DDHD2: variants seen among roughly 807,000 people sequenced by gnomAD.
The protein encoded by DDHD2 is DDHD domain containing 2, also known as triacylglycerol hydrolase DDHD2.
Under a neutral mutation model 91.2 loss-of-function variants are expected in DDHD2, and 62 were observed. The observed-to-expected ratio is 0.68, with a 90% CI of 0.55 to 0.84. DDHD2 has a LOEUF of 0.84. Among genes scored for constraint, DDHD2 ranks in the 40% least tolerant of loss-of-function variants. DDHD2 has a pLI of 0.00. For missense variants in DDHD2, 740 were observed against 846.9 expected, an observed-to-expected ratio of 0.87 and a Z score of 1.57; for synonymous variants, 271 against 293.9, an observed-to-expected ratio of 0.92 and a Z score of 0.80.
Position 38,245,042 on chromosome 8 carries a change from A to G in DDHD2, c.849-700A>G, listed in dbSNP as rs192229949. Among the ~76,000 whole-genome samples the G allele has an allele frequency of 1.3e-3, 189 of 151,180 alleles. 1 individual carries two copies. The highest frequency in any genetic ancestry group is 4.2e-3 in the African/African-American group (174 of 41,398). On this transcript the variant is annotated intron_variant, in intron 7 of 17. Coordinates refer to ENST00000397166, the MANE Select transcript of DDHD2 (RefSeq NM_015214.3). ...ATTAATTATATAATTATATACATTA[A>G]TTTTTGTATACATATTTATATAATT...
At chr8:38,264,888 A>T (rs773753998), downstream of DDHD2, 1 of 1,612,764 alleles carries the variant, frequency 6.2e-7, no homozygotes, top group Non-Finnish European at 8.5e-7. Flanking sequence ...TTTCTAACTC[A>T]GAAGAGTAAC....
At chr8:38,251,802 G>C (rs1193391926) in intron 11 of DDHD2, 110 bp from the exon 12 acceptor site, 1 of 693,980 alleles carries the variant, frequency 1.4e-6, no homozygotes, top group Admixed American at 2.7e-5. Flanking sequence ...TTGAACTCTT[G>C]GGCTTAAACA....
At position 38,268,494 on chromosome 8, in the gene DDHD2, C is replaced by A. The variant is rs1050935333; in HGVS notation, n.88-2628C>A. The A allele has an allele frequency of 7.1e-6, 11 of 1,545,032 alleles. No homozygotes were observed. The Admixed American group carries it at 1.0e-4, about 14-fold the overall frequency. On this transcript the variant is annotated intron_variant and non_coding_transcript_variant, in intron 1 of 1. Transcript: ENST00000526071. ...AGAATGTCAGAGGTTAAAAACAATC[C>A]AAAAAAAAGCCACACTCGTGCTCCT...
At chr8:38,266,056 T>C, downstream of DDHD2, 2 of 1,261,916 alleles carry the variant, frequency 1.6e-6, no homozygotes, top group East Asian at 4.8e-5. Flanking sequence ...TCAGCAGATA[T>C]TTAGTAAGCA....
At chr8:38,271,024 A>G (rs1437558398) in intron 1 of DDHD2, 1 of 152,228 alleles carries the variant, frequency 6.6e-6, no homozygotes, top group African/African-American at 2.4e-5. Flanking sequence ...TAGACATAGT[A>G]AAAGGAAAGA....
chr8:38,235,731 A>AT (rs1438467004), intron 3 of DDHD2, among the ~76,000 whole-genome samples: 1 of 151,564 alleles, frequency 6.6e-6, no homozygotes, highest in Non-Finnish European at 1.5e-5. Context: ...AAAAAAAAAA[A>AT]AAAAACTGGT....
intron 16 of DDHD2, among the ~76,000 whole-genome samples, chr8:38,256,698 G>A (rs1485805731): frequency 1.3e-5 from 2 of 152,072 alleles, no homozygotes; most frequent in Admixed American, 1.3e-4. Flanking sequence ...ACCTGTTGAT[G>A]GATATTTTGA....
intron 16 of DDHD2, among the ~76,000 whole-genome samples, chr8:38,256,274 A>G (rs1294179705): frequency 6.6e-6 from 1 of 151,972 alleles, no homozygotes; most frequent in African/African-American, 2.4e-5. Context: ...TACAGTATAT[A>G]CTTTTGTTGT....
rs558871235 is a variant in DDHD2, at chr8:38,245,265, C to G, written c.849-477C>G. On this transcript the variant is annotated intron_variant, in intron 7 of 17. Transcript: ENST00000397166. ...TGGCTAACATGACAAAACCCTGTCA[C>G]TACTAAAAATACAAAAATTAGCTGG... Among the ~76,000 whole-genome samples, 35 of 151,746 alleles carry G rather than the reference C, an allele frequency of 2.3e-4. No individual in the cohort carries two copies. In the South Asian group the frequency reaches 5.2e-3, roughly 23 times the overall value.
chr8:38,252,400 A>G (rs1024386883), intron 13 of DDHD2, 113 bp downstream of exon 13: 3 of 1,189,930 alleles, frequency 2.5e-6, no homozygotes, highest in Non-Finnish European at 3.6e-6. Context: ...TCTAGCAATG[A>G]GACAACTTAT....
chr8:38,272,974 C>T (rs1808518507), downstream of DDHD2: 1 of 152,128 alleles, frequency 6.6e-6, no homozygotes, highest in South Asian at 2.1e-4. Context: ...ACCAGCATGA[C>T]TAAAACCGCT....
chr8:38,260,348 G>C lies in DDHD2; in HGVS notation c.*26+201G>C, dbSNP rs149740083. On this transcript the variant is annotated intron_variant, in intron 17 of 17. Transcript: ENST00000397166. ...CCCATTTAGAGGAAGATTAGTGTAT[G>C]TCTGTTTTGCTAGAGATTTTGTCCA... The C allele has an allele frequency of 1.9e-3, 737 of 393,896 alleles. 5 individuals are homozygous for C. The highest frequency in any genetic ancestry group is 0.013 in the African/African-American group (674 of 50,088). The allele number at this position is 393,896 out of a possible 1,614,324, so 24.4% of individuals were successfully genotyped here.
intron 3 of DDHD2, among the ~76,000 whole-genome samples, chr8:38,237,221 C>T (rs1381935259): frequency 6.6e-6 from 1 of 151,902 alleles, no homozygotes; most frequent in African/African-American, 2.4e-5. Context: ...ACTAAAACTA[C>T]AAAAGTTAGC....
chr8:38,256,039 T>C lies in DDHD2; in HGVS notation c.2054+2321T>C, dbSNP rs1447928044. ...ATTTGTTGGGTGAAAATGTACAATATACTGTACATATTAAAAGAATACACA... is the reference window on the plus strand; with the variant it reads ...ATTTGTTGGGTGAAAATGTACAATACACTGTACATATTAAAAGAATACACA... On this transcript the variant is annotated intron_variant, in intron 16 of 17. Coordinates refer to ENST00000397166, the MANE Select transcript of DDHD2 (RefSeq NM_015214.3). Among the ~76,000 whole-genome samples the C allele has an allele frequency of 2.6e-5, 4 of 152,230 alleles. No homozygotes were observed. The East Asian group carries it at 7.7e-4, about 29-fold the overall frequency.
intron 5 of DDHD2, among the ~76,000 whole-genome samples, chr8:38,240,003 G>A (rs1274954320): frequency 2.0e-5 from 3 of 151,674 alleles, no homozygotes; most frequent in Non-Finnish European, 4.4e-5. Flanking sequence ...GATTACAGCC[G>A]TGAGCCACCG....
At chr8:38,264,406 T>A, downstream of DDHD2, 1 of 1,495,900 alleles carries the variant, frequency 6.7e-7, no homozygotes. Flanking sequence ...GTGTTGGGAT[T>A]ACAGGCATGA....
downstream of DDHD2, chr8:38,266,868 C>T (rs368893999): frequency 1.0e-3 from 264 of 253,376 alleles, 1 homozygote; most frequent in African/African-American, 5.5e-3. Flanking sequence ...GCTTTAGTTT[C>T]CTCATCTATA....
chr8:38,238,176 G>A lies in DDHD2; in HGVS notation c.589G>A (p.Gly197Arg), dbSNP rs921994843. 2 of 1,613,926 alleles carry A rather than the reference G, an allele frequency of 1.2e-6. No homozygotes were observed. The highest frequency in any genetic ancestry group is 1.7e-6 in the Non-Finnish European group (2 of 1,179,814). Residue 197 changes from glycine to arginine, a missense_variant, in exon 5 of 18, where the codon GGA becomes AGA. Physicochemically the swap from Gly to Arg is moderately radical, Grantham distance 125. Transcript: ENST00000397166. ...EQGRPRTVKR[G>R]VENISVDIHC... ...GGGTCGACCAAGAACTGTGAAGAGA[G>A]GAGTTGAGAACATCTCTGTTGACAT...
At chr8:38,271,065 G>T (rs1808456187) in intron 1 of DDHD2, 1 of 152,096 alleles carries the variant, frequency 6.6e-6, no homozygotes, top group Non-Finnish European at 1.5e-5. Flanking sequence ...TTGACAAAAT[G>T]ACAAAATAAA....
Sources: allele counts gnomAD v4.1 joint callset (sites outside exome capture counted in the v4.1 genomes callset), GRCh38; gene constraint gnomAD v4.1.1; transcripts MANE v1.5; gene names NCBI Gene and HGNC (gene_info 2026-07-23, HGNC 2026-07-21).